The following ANKRD17 variants were observed in gnomAD, a reference collection of about 807,000 sequenced individuals.
ANKRD17 encodes ankyrin repeat domain-containing protein 17.
Under a neutral mutation model 229.7 loss-of-function variants are expected in ANKRD17, and 19 were observed. That is an observed-to-expected ratio of 0.08 (90% CI 0.06 to 0.12). The LOEUF (loss-of-function observed/expected upper bound fraction) is 0.12, where lower values mean the gene tolerates loss of function less well. Ranked by LOEUF, ANKRD17 falls within the 10% of genes least tolerant of loss-of-function variation. The pLI, the probability that ANKRD17 is intolerant of heterozygous loss-of-function variation, is 1.00. For synonymous variants in ANKRD17, 1,112 were observed against 1,146.1 expected (o/e 0.97, Z 0.60); for missense variants, 2,176 against 3,176.8 (o/e 0.68, Z 7.57).
chr4:73,237,116 A>G (rs2149252997), intron 1 of ANKRD17, among the ~76,000 whole-genome samples: 1 of 152,328 alleles, frequency 6.6e-6, no homozygotes, highest in South Asian at 2.1e-4. Flanking sequence ...AGTTTTCAGA[A>G]AAACTTCTGC....
At chr4:73,228,753 A>G (rs1350489903) in intron 1 of ANKRD17, among the ~76,000 whole-genome samples, 3 of 152,238 alleles carry the variant, frequency 2.0e-5, no homozygotes, top group Non-Finnish European at 2.9e-5. Flanking sequence ...GTATTTAACC[A>G]GTCCAGCAGG....
At chr4:73,094,982 C>T (rs1362051260) in intron 27 of ANKRD17, among the ~76,000 whole-genome samples, 1 of 151,774 alleles carries the variant, frequency 6.6e-6, no homozygotes, top group Non-Finnish European at 1.5e-5. Context: ...ACCAGCCTGG[C>T]CAACATAGTG....
In ANKRD17 at chr4:73,097,172, C is replaced by G. The variant is rs201800194; in HGVS notation, c.5122G>C (p.Ala1708Pro). ...LSSPNGKLTV[A>P]SPKRGQKREE... is the part of the protein sequence containing the mutation. ...CTCTTTTGCCCACGCTTAGGACTTG[C>G]TACTGTTAACTTCCCATTTGGAGAA... is the stretch of plus-strand genomic sequence containing the variant. The change falls in exon 27 of 34, where the codon GCA becomes CCA. Residue 1708 changes from alanine (A) to proline (P), a missense_variant. Physicochemically the swap from Ala to Pro is conservative, Grantham distance 27 (BLOSUM62 -1). Transcript: ENST00000358602. 3.1e-5 allele frequency: 50 copies of G among 1,612,300 alleles called. No homozygotes were observed. Among genetic ancestry groups the G allele is most frequent in the Non-Finnish European group, 2.5e-5 (29 of 1,179,420 alleles).
chr4:73,200,331 A>G (rs1195853818), intron 1 of ANKRD17, among the ~76,000 whole-genome samples: 2 of 152,166 alleles, frequency 1.3e-5, no homozygotes, highest in Non-Finnish European at 2.9e-5. Context: ...TCATCGGGGT[A>G]CATACTTACA....
At chr4:73,174,116 A>AGGAAGGAAGGAAGGAT (rs1734412460) in intron 2 of ANKRD17, among the ~76,000 whole-genome samples, 1 of 150,930 alleles carries the variant, frequency 6.6e-6, no homozygotes, top group East Asian at 2.0e-4. Flanking sequence ...GAAGGAAGGA[A>AGGAAGGAAGGAAGGAT]GGAAGGAAGG....
chr4:73,189,616 G>A (rs558089558), intron 1 of ANKRD17, among the ~76,000 whole-genome samples: 25 of 152,072 alleles, frequency 1.6e-4, no homozygotes, highest in Admixed American at 1.0e-3. Context: ...GTGAGCCATC[G>A]CACTCAGCTG....
At chr4:73,247,558 A>T (rs1216333042) in intron 1 of ANKRD17, among the ~76,000 whole-genome samples, 1 of 150,206 alleles carries the variant, frequency 6.7e-6, no homozygotes, top group Non-Finnish European at 1.5e-5. Flanking sequence ...ACATACTCTA[A>T]CACACACACA....
chr4:73,160,465 C>G (rs535020891), intron 3 of ANKRD17, among the ~76,000 whole-genome samples: 1 of 152,024 alleles, frequency 6.6e-6, no homozygotes, highest in Non-Finnish European at 1.5e-5. Context: ...GTGATCCGCC[C>G]GCCTCGGCCT....
rs765056368 is a variant in ANKRD17, at chr4:73,076,997, A to G, written c.7695T>C (p.Ser2565=). ...AAACCATCTTTATCAGTGAGTTCCA[A>G]GAAGGGTCTGCAGCATGAGGGCCAT... The part of the protein sequence containing the change: ...IFNGPHAADP[S]WNSLIKMVSS... The change falls in exon 33 of 34, where the codon TCT becomes TCC. Residue 2565 remains serine, a synonymous_variant. Coordinates refer to ENST00000358602, the MANE Select transcript of ANKRD17 (RefSeq NM_032217.5). The G allele has an allele frequency of 6.2e-7, 1 of 1,613,616 alleles. No homozygotes were observed. The highest frequency in any genetic ancestry group is 8.5e-7 in the Non-Finnish European group (1 of 1,179,808).
chr4:73,098,214 C>T lies in ANKRD17; in HGVS notation c.4880G>A (p.Ser1627Asn). 3.1e-6 allele frequency: 5 copies of T among 1,614,234 alleles called. No homozygotes were observed. Among genetic ancestry groups the T allele is most frequent in the Non-Finnish European group, 4.2e-6 (5 of 1,180,046 alleles). ...ACTCTTACGACTGCTGTTGCTGTTA[C>T]TACTTTCATCGCTGCAGCTGGAAAT... Reference protein sequence around the residue: ...MRISSCSDESSNSNSSRKSDN... With the variant: ...MRISSCSDESNNSNSSRKSDN... Residue 1627 changes from serine to asparagine, a missense_variant, in exon 26 of 34, where the codon AGT (serine) becomes AAT (asparagine). Coordinates refer to ENST00000358602, the MANE Select transcript of ANKRD17 (RefSeq NM_032217.5).
In ANKRD17 at chr4:73,086,498, T is replaced by TAC. The variant is rs531476523; in HGVS notation, c.6962-1054_6962-1053dup. 1.5e-3 allele frequency among the ~76,000 whole-genome samples: 229 copies of TAC among 152,264 alleles called. 2 individuals carry two copies. Among genetic ancestry groups the TAC allele is most frequent in the African/African-American group, 5.0e-3 (207 of 41,558 alleles). ...TCATTAAAAAAGTATTACAAATGTT[T>TAC]ACACACTAAACTATTACACAAGTAA... On this transcript the variant is annotated intron_variant, in intron 29 of 33. Transcript: ENST00000358602.
intron 25 of ANKRD17, chr4:73,099,020 A>G: frequency 2.0e-6 from 2 of 988,222 alleles, no homozygotes; most frequent in Non-Finnish European, 3.2e-6. Context: ...AAGCAAAAAC[A>G]AGGGAGCTGC....
chr4:73,101,327 T>C (rs557215027), intron 25 of ANKRD17, among the ~76,000 whole-genome samples: 2 of 152,292 alleles, frequency 1.3e-5, no homozygotes, highest in East Asian at 1.9e-4. Flanking sequence ...TAAAATGGTA[T>C]TATGATGATG....
intron 1 of ANKRD17, among the ~76,000 whole-genome samples, chr4:73,203,143 G>A (rs1407678391): frequency 1.3e-5 from 2 of 152,156 alleles, no homozygotes; most frequent in Admixed American, 6.5e-5. Flanking sequence ...TGGTTGGTTA[G>A]ATCTTGATGT....
At chr4:73,205,407 G>A (rs1021736935) in intron 1 of ANKRD17, among the ~76,000 whole-genome samples, 1 of 151,770 alleles carries the variant, frequency 6.6e-6, no homozygotes, top group Admixed American at 6.6e-5. Context: ...ACAGACCAAT[G>A]GAACAGAATA....
At chr4:73,103,835 T>TA (rs941939642) in intron 24 of ANKRD17, among the ~76,000 whole-genome samples, 11 of 151,954 alleles carry the variant, frequency 7.2e-5, no homozygotes, top group African/African-American at 2.7e-4. Context: ...CCGGTTTTTT[T>TA]TTTTTTTAAG....
Position 73,092,143 on chromosome 4 carries a change from TAGC to T in ANKRD17, c.5482_5484del (p.Ala1828del). On this transcript the variant is annotated inframe_deletion, in exon 29 of 34. Transcript: ENST00000358602. Reference sequence around the variant, plus strand: ...ATTTTAATTCCCATTAAGGAAGTGTTAGCAGCAGTGGTGGTAGGTGCTGATGAC... The same window carrying T: ...ATTTTAATTCCCATTAAGGAAGTGTTAGCAGTGGTGGTAGGTGCTGATGAC... 1.2e-6 allele frequency: 2 copies of T among 1,614,200 alleles called. No homozygotes were observed. The highest frequency in any genetic ancestry group is 1.7e-6 in the Non-Finnish European group (2 of 1,180,040).
At chr4:73,234,147 T>C (rs1420278686) in intron 1 of ANKRD17, among the ~76,000 whole-genome samples, 1 of 152,178 alleles carries the variant, frequency 6.6e-6, no homozygotes, top group Non-Finnish European at 1.5e-5. Context: ...CCCTCAAGTT[T>C]TTCCAGATTA....
chr4:73,241,287 C>T lies in ANKRD17; in HGVS notation c.393+16989G>A, dbSNP rs181660737. On this transcript the variant is annotated intron_variant, in intron 1 of 33. Coordinates refer to ENST00000358602, the MANE Select transcript of ANKRD17 (RefSeq NM_032217.5). The stretch of plus-strand genomic sequence containing the variant: ...TTAAGTTCCTATTCCCCTCAATGAA[C>T]CCATATAAATTTGAAATAAATGAAT... 1.4e-4 allele frequency among the ~76,000 whole-genome samples: 22 copies of T among 152,090 alleles called. No individual in the cohort carries two copies. In the South Asian group the frequency reaches 2.1e-3, roughly 14 times the overall value.
Sources: gnomAD v4.1 joint callset for allele counts (sites outside exome capture counted in the v4.1 genomes callset) on GRCh38, gnomAD v4.1.1 for gene constraint, MANE v1.5 for transcripts, NCBI Gene and HGNC (gene_info 2026-07-23, HGNC 2026-07-21) for gene names.